COL4A4: variants seen among roughly 807,000 people sequenced by gnomAD.
The protein encoded by COL4A4 is collagen alpha-4(IV) chain.
COL4A4 carries 105 observed loss-of-function variants against 192.9 expected under a neutral mutation model. That is an observed-to-expected ratio of 0.54 (90% CI 0.46 to 0.64). The LOEUF is 0.64. Ranked by LOEUF, COL4A4 falls within the 30% of genes least tolerant of loss-of-function variation. COL4A4 has a pLI of 0.00. For missense variants in COL4A4, 1,967 were observed against 2,169.3 expected (o/e 0.91, Z 1.85); for synonymous variants, 762 against 769.9 (o/e 0.99, Z 0.17).
At chr2:227,137,443 G>A (rs1222352195) in intron 4 of COL4A4, among the ~76,000 whole-genome samples, 1 of 152,280 alleles carries the variant, frequency 6.6e-6, no homozygotes. Flanking sequence ...CTGCATCCTA[G>A]CAAGTTATTT....
At chr2:227,103,406 C>T (rs1365927773) in intron 13 of COL4A4, among the ~76,000 whole-genome samples, 2 of 152,120 alleles carry the variant, frequency 1.3e-5, no homozygotes, top group South Asian at 4.1e-4. Context: ...TGGGATACCA[C>T]AGTGGACCAC....
intron 38 of COL4A4, among the ~76,000 whole-genome samples, chr2:227,033,100 G>C (rs892717484): frequency 6.6e-6 from 1 of 152,164 alleles, no homozygotes; most frequent in African/African-American, 2.4e-5. Context: ...CTATTTACTT[G>C]TTAGGATAAC....
Position 227,098,817 on chromosome 2 carries a change from C to A in COL4A4, c.1100-19G>T, listed in dbSNP as rs778672663. 1 of 1,581,772 alleles carries A rather than the reference C, an allele frequency of 6.3e-7. No individual in the cohort carries two copies. Among genetic ancestry groups the A allele is most frequent in the South Asian group, 1.1e-5 (1 of 90,402 alleles). On this transcript the variant is annotated intron_variant, in intron 18 of 47. Coordinates refer to ENST00000396625, the MANE Select transcript of COL4A4 (RefSeq NM_000092.5). ...GGTGGGCCTGCCAAAGATAATGGTA[C>A]ATGAGAATAAACAAATGGTATGTGC...
At position 227,057,518 on chromosome 2, in the gene COL4A4, A is replaced by G. The variant is rs1975742094; in HGVS notation, c.2466T>C (p.Gly822=). The change falls in exon 29 of 48, where the codon GGT becomes GGC. Residue 822 remains glycine (G), a synonymous_variant. Coordinates refer to ENST00000396625, the MANE Select transcript of COL4A4 (RefSeq NM_000092.5). ...EGHAGFPGVP[G]PPGHSCERGA... is the part of the protein sequence containing the mutation. ...CTCTTTCACAGGAATGGCCAGGTGG[A>G]CCTGGGACACCTGGAAACCCAGCAT... The G allele has an allele frequency of 6.2e-7, 1 of 1,613,670 alleles. No homozygotes were observed. Among genetic ancestry groups the G allele is most frequent in the Non-Finnish European group, 8.5e-7 (1 of 1,179,868 alleles).
intron 9 of COL4A4, 124 bp from the exon 10 acceptor site, chr2:227,109,410 C>T (rs1559646799): frequency 3.7e-6 from 3 of 814,360 alleles, no homozygotes; most frequent in Non-Finnish European, 6.5e-6. Context: ...AGCACATCTG[C>T]CCTGCTAGGA....
chr2:227,060,886 C>G (rs745499035), intron 26 of COL4A4, among the ~76,000 whole-genome samples: 2 of 152,020 alleles, frequency 1.3e-5, no homozygotes, highest in Non-Finnish European at 2.9e-5. Flanking sequence ...CGCCACCACG[C>G]CTGGCTAATT....
At chr2:226,977,016 C>G in the COL4A4 span, among the ~76,000 whole-genome samples, 1 of 152,172 alleles carries the variant, frequency 6.6e-6, no homozygotes, top group Non-Finnish European at 1.5e-5. Context: ...CCTGGTTTAC[C>G]CTTCAGGCTG....
intron 45 of COL4A4, among the ~76,000 whole-genome samples, chr2:227,011,299 T>C (rs902348735): frequency 3.3e-5 from 5 of 152,166 alleles, no homozygotes; most frequent in African/African-American, 1.2e-4. Flanking sequence ...ATCTACACTG[T>C]CAACCAGAGA....
chr2:227,010,970 T>C (rs1351773412), intron 45 of COL4A4, among the ~76,000 whole-genome samples: 1 of 152,182 alleles, frequency 6.6e-6, no homozygotes, highest in Non-Finnish European at 1.5e-5. Context: ...TCTTCCCTGG[T>C]TCCAGCATAT....
At chr2:227,149,562 C>T (rs894153593) in intron 1 of COL4A4, among the ~76,000 whole-genome samples, 1 of 152,078 alleles carries the variant, frequency 6.6e-6, no homozygotes, top group Non-Finnish European at 1.5e-5. Context: ...AAGCACATCT[C>T]AATAAAAACA....
rs999165394 is a variant in COL4A4 at position 227,002,848 on chromosome 2, A to G, written c.*4477T>C. On this transcript the variant is annotated 3_prime_UTR_variant, in exon 48 of 48. Transcript: ENST00000396625. ...GCTGAAAGTCTTTAACTTTACAACC[A>G]GAGGTTAGAGAAAGGGATGCAATTT... The G allele has an allele frequency of 1.3e-5, 2 of 152,686 alleles. No individual in the cohort carries two copies. Among genetic ancestry groups the G allele is most frequent in the Non-Finnish European group, 2.9e-5 (2 of 68,042 alleles). The allele number at this position is 152,686 out of a possible 1,614,324, so 9.5% of individuals were successfully genotyped here.
chr2:227,139,751 A>G (rs961945833), intron 4 of COL4A4, among the ~76,000 whole-genome samples: 4 of 152,224 alleles, frequency 2.6e-5, no homozygotes, highest in African/African-American at 4.8e-5. Flanking sequence ...ACTTGTTTCA[A>G]TAGCGACAAT....
At chr2:227,150,838 G>T (rs530039374) in intron 1 of COL4A4, among the ~76,000 whole-genome samples, 1 of 151,836 alleles carries the variant, frequency 6.6e-6, no homozygotes, top group Admixed American at 6.6e-5. Flanking sequence ...CCCTTGACAT[G>T]TGGAGATTAT....
At chr2:227,001,442 A>G (rs1019105800), downstream of COL4A4, among the ~76,000 whole-genome samples, 1 of 151,942 alleles carries the variant, frequency 6.6e-6, no homozygotes, top group Non-Finnish European at 1.5e-5. Flanking sequence ...TCCCTCCAGA[A>G]CAGCTTGAGA....
the COL4A4 span, chr2:226,988,350 A>G: frequency 6.5e-7 from 1 of 1,550,096 alleles, no homozygotes; most frequent in South Asian, 1.2e-5. Context: ...GGTCATAAAG[A>G]GACAATGGCA....
intron 44 of COL4A4, among the ~76,000 whole-genome samples, chr2:227,020,378 C>T (rs193069762): frequency 3.9e-5 from 6 of 152,222 alleles, no homozygotes; most frequent in Admixed American, 2.6e-4. Context: ...CCAGTTCTCA[C>T]GGGCCGTTAA....
At chr2:227,091,263 TATAG>T (rs899033143) in intron 20 of COL4A4, among the ~76,000 whole-genome samples, 4 of 149,004 alleles carry the variant, frequency 2.7e-5, no homozygotes, top group East Asian at 1.9e-4. Flanking sequence ...TAGATATAGA[TATAG>T]ATATAGATAT....
chr2:227,133,634 G>A (rs1403488345), intron 4 of COL4A4, among the ~76,000 whole-genome samples: 1 of 152,316 alleles, frequency 6.6e-6, no homozygotes, highest in East Asian at 1.9e-4. Context: ...GCTCACGCCT[G>A]TAATCCCAGC....
At chr2:227,105,040 T>C (rs996118265) in intron 12 of COL4A4, among the ~76,000 whole-genome samples, 1 of 152,078 alleles carries the variant, frequency 6.6e-6, no homozygotes, top group Non-Finnish European at 1.5e-5. Flanking sequence ...TTTATGTTTA[T>C]GAAAATATAA....
Sources: gnomAD v4.1 joint callset for allele counts (sites outside exome capture counted in the v4.1 genomes callset) on GRCh38, gnomAD v4.1.1 for gene constraint, MANE v1.5 for transcripts, NCBI Gene and HGNC (gene_info 2026-07-23, HGNC 2026-07-21) for gene names.